Variants in FAT3 observed in about 807,000 individuals in gnomAD.
FAT3 encodes FAT atypical cadherin 3.
A neutral mutation model predicts 310.2 loss-of-function variants in FAT3; 95 were observed. The observed-to-expected ratio is 0.31, with a 90% CI of 0.26 to 0.36. FAT3 has a LOEUF of 0.36. FAT3 is among the 10% of genes least tolerant of loss of function. FAT3 has a pLI of 1.00. For synonymous variants in FAT3, 2,314 were observed against 2,192.9 expected (o/e 1.06, Z -1.54); for missense variants, 5,408 against 5,715.6 (o/e 0.95, Z 1.74).
At chr11:92,877,744 T>C (rs567798496) in intron 22 of FAT3, among the ~76,000 whole-genome samples, 1 of 152,312 alleles carries the variant, frequency 6.6e-6, no homozygotes, top group South Asian at 2.1e-4. Flanking sequence ...TGGTTACAAG[T>C]AAAGAAATCA....
At chr11:92,364,256 C>G (rs1256525743) in intron 2 of FAT3, among the ~76,000 whole-genome samples, 1 of 152,202 alleles carries the variant, frequency 6.6e-6, no homozygotes, top group South Asian at 2.1e-4. Context: ...AGGTCAGGGT[C>G]CTCATTTCTC....
Position 92,800,063 on chromosome 11 carries a change from A to G in FAT3, c.7050A>G (p.Arg2350=), listed in dbSNP as rs1276163179. ...CAAGTGGCTTAATCCTGACAGCACG[A>G]ATGCTGGACCATGAGTTAGTACAAC... ...DSSSGLILTA[R]MLDHELVQHC... is the part of the protein sequence containing the mutation. Residue 2350 remains arginine (R), a synonymous_variant, in exon 10 of 28, where the codon CGA becomes CGG. Transcript: ENST00000525166. 5.6e-6 allele frequency: 9 copies of G among 1,613,890 alleles called. No homozygotes were observed. Among genetic ancestry groups the G allele is most frequent in the Non-Finnish European group, 7.6e-6 (9 of 1,179,882 alleles).
At chr11:92,708,814 T>C (rs1944437330) in intron 4 of FAT3, among the ~76,000 whole-genome samples, 1 of 152,218 alleles carries the variant, frequency 6.6e-6, no homozygotes, top group Admixed American at 6.5e-5. Context: ...TCCCAAAAGC[T>C]TAGAGATTTA....
At chr11:92,687,940 C>T (rs867229506) in intron 3 of FAT3, among the ~76,000 whole-genome samples, 2 of 151,682 alleles carry the variant, frequency 1.3e-5, no homozygotes, top group South Asian at 2.1e-4. Context: ...GTGACTCACA[C>T]GTAGAATCCC....
chr11:92,593,347 ATTTT>A (rs1372068372), intron 3 of FAT3, among the ~76,000 whole-genome samples: 1 of 151,844 alleles, frequency 6.6e-6, no homozygotes, highest in Non-Finnish European at 1.5e-5. Context: ...TCATATGGTA[ATTTT>A]ATTGAGGAAT....
intron 1 of FAT3, among the ~76,000 whole-genome samples, chr11:92,240,875 T>A (rs554153988): frequency 6.6e-6 from 1 of 152,184 alleles, no homozygotes; most frequent in Non-Finnish European, 1.5e-5. Context: ...ACTCAGTAGC[T>A]TTTTGCAGAA....
chr11:92,285,205 C>T (rs568248807), intron 1 of FAT3, among the ~76,000 whole-genome samples: 8 of 152,184 alleles, frequency 5.3e-5, no homozygotes, highest in African/African-American at 1.9e-4. Context: ...AATGAGAGTG[C>T]AGAGTGTAAG....
chr11:92,652,007 A>T (rs1385386596), intron 3 of FAT3, among the ~76,000 whole-genome samples: 5 of 152,036 alleles, frequency 3.3e-5, no homozygotes, highest in South Asian at 2.1e-4. Flanking sequence ...AAGGTAAAGG[A>T]TTCACTTTTA....
chr11:92,811,301 A>G (rs1947665750), intron 13 of FAT3, among the ~76,000 whole-genome samples: 2 of 152,194 alleles, frequency 1.3e-5, no homozygotes, highest in Admixed American at 1.3e-4. Context: ...ATGGAAATGA[A>G]TCACTTAATC....
intron 13 of FAT3, among the ~76,000 whole-genome samples, chr11:92,812,811 CTTTACTTGCTTATTGATATGG>C (rs1375273859): frequency 1.3e-5 from 2 of 152,128 alleles, no homozygotes; most frequent in Non-Finnish European, 2.9e-5. Flanking sequence ...CTGCTAGCCA[CTTTACTTGCTTATTGATATGG>C]TTTGGCTGTG....
intron 3 of FAT3, among the ~76,000 whole-genome samples, chr11:92,686,020 T>C (rs1379261291): frequency 6.6e-6 from 1 of 152,170 alleles, no homozygotes; most frequent in Non-Finnish European, 1.5e-5. Flanking sequence ...TATTTGCTCC[T>C]CCATAAAATA....
chr11:92,432,517 C>A lies in FAT3; in HGVS notation c.3292+77113C>A, dbSNP rs912245155. ...GTTAGTTTTTCTTCTAACAGTCAGG[C>A]CCCTCTTCTGCAGGTCTGCTGGAGT... On this transcript the variant is annotated intron_variant, in intron 2 of 27. Coordinates refer to ENST00000525166, the MANE Select transcript of FAT3 (RefSeq NM_001367949.2). 2.0e-5 allele frequency among the ~76,000 whole-genome samples: 3 copies of A among 152,270 alleles called. No homozygotes were observed. The South Asian group carries it at 6.2e-4, about 32-fold the overall frequency.
rs1565643834 is a variant in FAT3, at chr11:92,844,278, G to T, written c.10911G>T (p.Val3637=). The T allele has an allele frequency of 6.2e-7, 1 of 1,614,032 alleles. No homozygotes were observed. The highest frequency in any genetic ancestry group is 8.5e-7 in the Non-Finnish European group (1 of 1,179,914). The change falls in exon 19 of 28, where the codon GTG becomes GTT. Residue 3637 remains valine, a synonymous_variant. Transcript: ENST00000525166. ...TACCCATTGATGTGGTCGTGCATGTGGAGCAGTTGGTGCATGAGATGCTGC... is the reference window on the plus strand; with the variant it reads ...TACCCATTGATGTGGTCGTGCATGTTGAGCAGTTGGTGCATGAGATGCTGC... The part of the protein sequence containing the change: ...FQVPIDVVVH[V]EQLVHEMLQN...
At chr11:92,265,023 A>C (rs2134317397) in intron 1 of FAT3, among the ~76,000 whole-genome samples, 1 of 152,138 alleles carries the variant, frequency 6.6e-6, no homozygotes, top group South Asian at 2.1e-4. Context: ...GTAAAGGAAA[A>C]AAAAGGTTGA....
chr11:92,682,442 T>C (rs1943507075), intron 3 of FAT3, among the ~76,000 whole-genome samples: 1 of 152,202 alleles, frequency 6.6e-6, no homozygotes, highest in South Asian at 2.1e-4. Context: ...GAGCTAAGCA[T>C]TGTTTGAATG....
At position 92,799,973 on chromosome 11, in the gene FAT3, A is replaced by G. The variant is rs1209113626; in HGVS notation, c.6960A>G (p.Lys2320=). ...VSIDADSENN[K]MVHYQIVQDT... ...TTGATGCAGACTCAGAAAACAATAA[A>G]ATGGTACATTATCAGATTGTCCAGG... Residue 2320 remains lysine, a synonymous_variant, in exon 10 of 28, where the codon AAA becomes AAG. Transcript: ENST00000525166. 7 of 1,613,468 alleles carry G rather than the reference A, an allele frequency of 4.3e-6. No homozygotes were observed. The highest frequency in any genetic ancestry group is 3.3e-5 in the Admixed American group (2 of 59,968).
intron 2 of FAT3, among the ~76,000 whole-genome samples, chr11:92,487,919 C>A (rs111285318): frequency 6.6e-6 from 1 of 152,306 alleles, no homozygotes; most frequent in Middle Eastern, 3.4e-3. Flanking sequence ...GTGGCCCCCA[C>A]GATCCCTGTC....
chr11:92,321,381 G>T (rs1409931822), intron 1 of FAT3, among the ~76,000 whole-genome samples: 2 of 151,630 alleles, frequency 1.3e-5, no homozygotes, highest in Non-Finnish European at 2.9e-5. Flanking sequence ...AGCTTGCAGT[G>T]AGCCGAGATC....
chr11:92,546,977 C>A lies in FAT3; in HGVS notation c.3607+22029C>A, dbSNP rs1004303661. On this transcript the variant is annotated intron_variant, in intron 3 of 27. Coordinates refer to ENST00000525166, the MANE Select transcript of FAT3 (RefSeq NM_001367949.2). ...ATTAGATTAATTTCCCCAGATGATCCTATTAGGTGAGACGATTCACATAAT... is the reference window on the plus strand; with the variant it reads ...ATTAGATTAATTTCCCCAGATGATCATATTAGGTGAGACGATTCACATAAT... Among the ~76,000 whole-genome samples, 253 of 152,266 alleles carry A rather than the reference C, an allele frequency of 1.7e-3. 4 individuals are homozygous for A. The highest frequency in any genetic ancestry group is 2.5e-4 in the Non-Finnish European group (17 of 68,022).
Sources: allele counts gnomAD v4.1 joint callset (sites outside exome capture counted in the v4.1 genomes callset), GRCh38; gene constraint gnomAD v4.1.1; transcripts MANE v1.5; gene names NCBI Gene and HGNC (gene_info 2026-07-23, HGNC 2026-07-21).